The following SLC14A2 variants were observed in gnomAD, a reference collection of about 807,000 sequenced individuals.
The protein encoded by SLC14A2 is urea transporter 2.
SLC14A2 carries 91 observed loss-of-function variants against 104.6 expected under a neutral mutation model. The observed-to-expected ratio is 0.87, with a 90% CI of 0.73 to 1.04. SLC14A2 has a LOEUF of 1.04. Ranked by LOEUF, SLC14A2 falls within the 50% of genes least tolerant of loss-of-function variation. SLC14A2 has a pLI of 0.00. For missense variants in SLC14A2, 1,189 were observed against 1,156.0 expected (o/e 1.03, Z -0.41); for synonymous variants, 476 against 466.4 (o/e 1.02, Z -0.27).
chr18:45,669,346 T>C lies in SLC14A2; in HGVS notation c.2077T>C (p.Trp693Arg). Residue 693 changes from tryptophan (W) to arginine (R), a missense_variant, in exon 16 of 20, where the codon TGG (tryptophan) becomes CGG (arginine). Physicochemically the swap from Trp to Arg is moderately radical, Grantham distance 101. Transcript: ENST00000255226. ...SSALGTIFSK[W>R]DLPVFTLPFN... ...TGCCCTGGGTACCATCTTCAGCAAG[T>C]GGGACCTCCCAGTCTTCACACTGCC... The C allele has an allele frequency of 6.2e-7, 1 of 1,614,046 alleles. No individual in the cohort carries two copies. The highest frequency in any genetic ancestry group is 2.2e-5 in the East Asian group (1 of 44,876).
chr18:45,336,848 A>G (rs1163383200), intron 1 of SLC14A2, among the ~76,000 whole-genome samples: 1 of 152,172 alleles, frequency 6.6e-6, no homozygotes, highest in Non-Finnish European at 1.5e-5. Context: ...ATGGAGGCTC[A>G]AGGTCTATTG....
chr18:45,362,751 T>C (rs1185304907), intron 1 of SLC14A2, among the ~76,000 whole-genome samples: 1 of 152,246 alleles, frequency 6.6e-6, no homozygotes, highest in Non-Finnish European at 1.5e-5. Context: ...TGGTATAGCA[T>C]CACTCACACT....
intron 1 of SLC14A2, among the ~76,000 whole-genome samples, chr18:45,623,234 C>G: frequency 6.6e-6 from 1 of 152,202 alleles, no homozygotes; most frequent in Non-Finnish European, 1.5e-5. Context: ...TGATATTAAG[C>G]CCATGCTGGG....
chr18:45,526,413 C>G (rs2043594763), intron 2 of SLC14A2, among the ~76,000 whole-genome samples: 1 of 152,150 alleles, frequency 6.6e-6, no homozygotes, highest in Non-Finnish European at 1.5e-5. Context: ...TAGGTTGGTG[C>G]TTTCAGACAT....
At chr18:45,478,238 G>A (rs2087422590) in intron 1 of SLC14A2, among the ~76,000 whole-genome samples, 1 of 152,144 alleles carries the variant, frequency 6.6e-6, no homozygotes, top group African/African-American at 2.4e-5. Flanking sequence ...ATAGAAGAGG[G>A]AGTTCTTTGA....
chr18:45,606,734 T>TAAAA (rs781251287), intron 2 of SLC14A2, among the ~76,000 whole-genome samples: 11 of 76,640 alleles, frequency 1.4e-4, no homozygotes, highest in African/African-American at 4.3e-4. Context: ...AAAGTCTAAT[T>TAAAA]AAAAAAAAAA....
chr18:45,288,142 A>G (rs967869423), intron 1 of SLC14A2, among the ~76,000 whole-genome samples: 1 of 150,694 alleles, frequency 6.6e-6, no homozygotes, highest in Non-Finnish European at 1.5e-5. Flanking sequence ...AGTGCTACAA[A>G]GCTCTTCACT....
intron 14 of SLC14A2, 56 bp downstream of exon 14, chr18:45,668,078 G>A: frequency 6.6e-7 from 1 of 1,514,124 alleles, no homozygotes; most frequent in Non-Finnish European, 9.1e-7. Context: ...CTCCCCATGG[G>A]GACCATTCTT....
At chr18:45,417,199 C>T (rs2086287406) in intron 1 of SLC14A2, among the ~76,000 whole-genome samples, 1 of 152,154 alleles carries the variant, frequency 6.6e-6, no homozygotes, top group African/African-American at 2.4e-5. Flanking sequence ...GGGATAAAGC[C>T]AGGCTTCAGC....
intron 1 of SLC14A2, among the ~76,000 whole-genome samples, chr18:45,418,561 A>G (rs1179927708): frequency 2.0e-5 from 3 of 152,220 alleles, no homozygotes; most frequent in African/African-American, 7.2e-5. Flanking sequence ...ATGAGTCGTC[A>G]GTAGAGATAA....
intron 1 of SLC14A2, among the ~76,000 whole-genome samples, chr18:45,391,133 T>A (rs926610208): frequency 3.3e-5 from 5 of 151,672 alleles, no homozygotes; most frequent in Admixed American, 3.3e-4. Flanking sequence ...CCTGTGTCCA[T>A]GTGTTCTCAT....
At chr18:45,635,557 G>A (rs1361759931) in intron 5 of SLC14A2, among the ~76,000 whole-genome samples, 1 of 152,198 alleles carries the variant, frequency 6.6e-6, no homozygotes, top group East Asian at 1.9e-4. Flanking sequence ...AAATGGACAA[G>A]AGCCATTTCC....
chr18:45,607,714 G>A (rs923068), intron 2 of SLC14A2, among the ~76,000 whole-genome samples: 102,923 of 151,480 alleles, frequency 0.68, 35,450 homozygotes, highest in East Asian at 0.85. Flanking sequence ...CAGGAGGAGC[G>A]TAACTGGGTT....
intron 2 of SLC14A2, among the ~76,000 whole-genome samples, chr18:45,499,145 C>T (rs1350032857): frequency 1.3e-5 from 2 of 152,204 alleles, no homozygotes; most frequent in African/African-American, 4.8e-5. Context: ...AATCACCAGA[C>T]TCACTGGTTG....
intron 2 of SLC14A2, among the ~76,000 whole-genome samples, chr18:45,497,393 G>A (rs1028605810): frequency 6.6e-6 from 1 of 152,158 alleles, no homozygotes; most frequent in Non-Finnish European, 1.5e-5. Context: ...ATCCTGTGTG[G>A]GGGTCATATT....
chr18:45,189,251 A>G, the SLC14A2 span, among the ~76,000 whole-genome samples: 2 of 152,198 alleles, frequency 1.3e-5, no homozygotes, highest in Admixed American at 1.3e-4. Flanking sequence ...TCCAGACTCA[A>G]TAATTATGAC....
At chr18:45,392,192 C>A (rs1178308273) in intron 1 of SLC14A2, among the ~76,000 whole-genome samples, 1 of 152,200 alleles carries the variant, frequency 6.6e-6, no homozygotes, top group African/African-American at 2.4e-5. Context: ...ACTCAAACTA[C>A]CCAAGGCCAC....
At chr18:45,606,785 G>A (rs557906971) in intron 2 of SLC14A2, among the ~76,000 whole-genome samples, 1 of 148,066 alleles carries the variant, frequency 6.8e-6, no homozygotes, top group South Asian at 2.1e-4. Context: ...TGGCTGCAAG[G>A]AATGCTAAGA....
At chr18:45,450,066 C>A (rs551991224) in intron 1 of SLC14A2, among the ~76,000 whole-genome samples, 3 of 152,312 alleles carry the variant, frequency 2.0e-5, no homozygotes, top group East Asian at 1.9e-4. Flanking sequence ...TTCTATGAAC[C>A]ATTTATATAT....
Sources: allele counts gnomAD v4.1 joint callset (sites outside exome capture counted in the v4.1 genomes callset), GRCh38; gene constraint gnomAD v4.1.1; transcripts MANE v1.5; gene names NCBI Gene and HGNC (gene_info 2026-07-23, HGNC 2026-07-21).